CHD1L: variants seen among roughly 807,000 people sequenced by gnomAD.
CHD1L encodes ATP-dependent chromatin remodeler CHD1L.
Under a neutral mutation model 115.9 loss-of-function variants are expected in CHD1L, and 118 were observed. The ratio of observed to expected loss-of-function variants is 1.02; its 90% CI spans 0.88 to 1.19. The LOEUF (loss-of-function observed/expected upper bound fraction) is 1.19. Among genes scored for constraint, CHD1L ranks in the 50% most tolerant of loss-of-function variants. The probability of loss-of-function intolerance (pLI) is 0.00; values close to 1 mark genes in which losing one functional copy is unlikely to be tolerated. For synonymous variants in CHD1L, 411 were observed against 387.1 expected, an observed-to-expected ratio of 1.06 and a Z score of -0.72; for missense variants, 1,179 against 1,065.3, an observed-to-expected ratio of 1.11 and a Z score of -1.49.
At chr1:147,191,829 G>A in the CHD1L span, among the ~76,000 whole-genome samples, 17 of 152,096 alleles carry the variant, frequency 1.1e-4, no homozygotes, top group African/African-American at 3.4e-4. Context: ...GTAGACATGC[G>A]GCATTATTTC....
At chr1:147,226,739 G>A in the CHD1L span, among the ~76,000 whole-genome samples, 1 of 152,274 alleles carries the variant, frequency 6.6e-6, no homozygotes, top group African/African-American at 2.4e-5. Flanking sequence ...TTTTTCATGA[G>A]AGGCAACTGA....
rs1466245306 is a variant in CHD1L, at chr1:147,284,391, A to G, written c.1746A>G (p.Lys582=). 6.2e-7 allele frequency: 1 copy of G among 1,600,564 alleles called. No homozygotes were observed. The part of the protein sequence containing the change: ...MYLFEGKDYS[K]EPSKEDRKSF... ...TATTTGAAGGTAAAGATTATTCTAA[A>G]GAGCCCAGTAAGGAAGACAGAAAAT... Residue 582 remains lysine, a synonymous_variant, in exon 16 of 23, where the codon AAA becomes AAG. Transcript: ENST00000369258.
At chr1:147,267,311 G>A (rs782147275) in intron 8 of CHD1L, 115 bp from the exon 9 acceptor site, 28 of 685,728 alleles carry the variant, frequency 4.1e-5, no homozygotes, top group Non-Finnish European at 6.7e-5. Context: ...GTTAGTATAG[G>A]TTCAAAGGAT....
chr1:147,294,479 T>G lies in CHD1L; in HGVS notation c.2577T>G (p.Ile859Met). The G allele has an allele frequency of 6.2e-7, 1 of 1,613,218 alleles. No individual in the cohort carries two copies. Among genetic ancestry groups the G allele is most frequent in the Non-Finnish European group, 8.5e-7 (1 of 1,179,642 alleles). Residue 859 changes from isoleucine to methionine, a missense_variant, in exon 22 of 23, where the codon ATT becomes ATG. Transcript: ENST00000369258. ...GFNWYGTERLIRKHLAARGIP... is the reference protein window; with the variant it reads ...GFNWYGTERLMRKHLAARGIP... ...ACTGGTATGGTACTGAGCGACTTAT[T>G]CGGAAACATCTGGCTGCAAGAGGCA...
the CHD1L span, among the ~76,000 whole-genome samples, chr1:147,183,066 C>T: frequency 2.0e-5 from 3 of 152,092 alleles, no homozygotes; most frequent in African/African-American, 4.8e-5. Context: ...GGCGTGGTGG[C>T]GGACACCTGT....
At chr1:147,228,814 G>C in the CHD1L span, among the ~76,000 whole-genome samples, 3 of 152,206 alleles carry the variant, frequency 2.0e-5, no homozygotes, top group African/African-American at 4.8e-5. Context: ...CTTCTTTTGA[G>C]AAGTGTCTCT....
At chr1:147,284,703 A>G (rs1248060403) in intron 16 of CHD1L, among the ~76,000 whole-genome samples, 1 of 152,212 alleles carries the variant, frequency 6.6e-6, no homozygotes, top group Non-Finnish European at 1.5e-5. Flanking sequence ...AAAGGAGAGA[A>G]TATATTGTAC....
upstream of CHD1L, among the ~76,000 whole-genome samples, chr1:147,241,216 A>T (rs113905641): frequency 0.027 from 4,085 of 152,252 alleles, 59 homozygotes; most frequent in Non-Finnish European, 0.036. Context: ...CTAAGCCATC[A>T]TATCCCCTGT....
intron 14 of CHD1L, among the ~76,000 whole-genome samples, chr1:147,278,106 A>G (rs1284427970): frequency 6.6e-6 from 1 of 151,752 alleles, no homozygotes; most frequent in Non-Finnish European, 1.5e-5. Context: ...TGTCTGATTT[A>G]TCTCTTCCCC....
chr1:147,252,528 A>G (rs962310968), intron 1 of CHD1L, 95 bp from the exon 2 acceptor site: 15 of 921,756 alleles, frequency 1.6e-5, no homozygotes, highest in Admixed American at 1.5e-4. Context: ...GGTTATGTGA[A>G]TTTAGGCTGT....
At chr1:147,261,047 T>C (rs1319431970) in intron 6 of CHD1L, 2 of 152,210 alleles carry the variant, frequency 1.3e-5, no homozygotes, top group African/African-American at 4.8e-5. Flanking sequence ...CTATTTTTAC[T>C]GGTCTGAAAG....
chr1:147,268,920 G>A lies in CHD1L; in HGVS notation c.1085+42G>A, dbSNP rs781828857. ...CATTTGCTGCTCTGAGCTAATGACTGTTAAAACCTGACTATTGAGGAACTC... is the reference window on the plus strand; with the variant it reads ...CATTTGCTGCTCTGAGCTAATGACTATTAAAACCTGACTATTGAGGAACTC... On this transcript the variant is annotated intron_variant, in intron 10 of 22. Coordinates refer to ENST00000369258, the MANE Select transcript of CHD1L (RefSeq NM_004284.6). The A allele has an allele frequency of 8.8e-6, 13 of 1,472,560 alleles. No homozygotes were observed. The South Asian group carries it at 1.3e-4, about 14-fold the overall frequency. The allele number at this position is 1,472,560 out of a possible 1,614,324, so 91.2% of individuals were successfully genotyped here. A position where few individuals can be genotyped will look rare whatever the true frequency, so the allele number is the denominator to read the frequency against.
chr1:147,294,315 G>A (rs1057515406), intron 21 of CHD1L, 94 bp from the exon 22 acceptor site: 2 of 723,426 alleles, frequency 2.8e-6, no homozygotes. Flanking sequence ...GGGCTTTGAG[G>A]GAGATAGTCA....
Position 147,286,288 on chromosome 1 carries a change from C to T in CHD1L, c.2019-10C>T. 1 of 1,612,558 alleles carries T rather than the reference C, an allele frequency of 6.2e-7. No individual in the cohort carries two copies. The highest frequency in any genetic ancestry group is 1.1e-5 in the South Asian group (1 of 90,890). ...TGGGTTAATTTCCTTTTGTCTCTGG[C>T]CTGCTAAAGGATGGCCTGGTGGGAA... On this transcript the variant is annotated splice_polypyrimidine_tract_variant and intron_variant, in intron 17 of 22. Coordinates refer to ENST00000369258, the MANE Select transcript of CHD1L (RefSeq NM_004284.6).
intron 1 of CHD1L, among the ~76,000 whole-genome samples, chr1:147,243,638 C>T (rs1308668268): frequency 2.0e-5 from 3 of 152,146 alleles, no homozygotes; most frequent in East Asian, 1.9e-4. Context: ...GTTTTCCTTA[C>T]TTATAAGTTG....
At chr1:147,178,521 A>G in the CHD1L span, 17 of 1,611,488 alleles carry the variant, frequency 1.1e-5, no homozygotes, top group East Asian at 1.3e-4. Context: ...GCCCAGCTTC[A>G]GTGCCTCTCA....
chr1:147,262,553 C>T (rs1021411038), intron 6 of CHD1L, among the ~76,000 whole-genome samples: 6 of 152,142 alleles, frequency 3.9e-5, no homozygotes, highest in African/African-American at 1.4e-4. Context: ...TCATTCACCT[C>T]AGCTCTTTAC....
the CHD1L span, chr1:147,186,821 G>C: frequency 2.0e-6 from 3 of 1,520,342 alleles, no homozygotes; most frequent in African/African-American, 4.2e-5. Context: ...ATATGAAACT[G>C]AGAGTCAATC....
At chr1:147,286,595 C>G in intron 18 of CHD1L, 95 bp downstream of exon 18, 2 of 1,105,760 alleles carry the variant, frequency 1.8e-6, no homozygotes, top group Non-Finnish European at 2.7e-6. Context: ...GTGGTGGTCC[C>G]AGTGTAGTAT....
Sources: gnomAD v4.1 joint callset for allele counts (sites outside exome capture counted in the v4.1 genomes callset) on GRCh38, gnomAD v4.1.1 for gene constraint, MANE v1.5 for transcripts, NCBI Gene and HGNC (gene_info 2026-07-23, HGNC 2026-07-21) for gene names.